The following SAMD11 variants were observed in gnomAD, a reference collection of about 807,000 sequenced individuals.
SAMD11 encodes the protein sterile alpha motif domain-containing protein 11.
SAMD11 carries 77 observed loss-of-function variants against 64.4 expected under a neutral mutation model. The observed-to-expected ratio is 1.20, with a 90% CI of 0.99 to 1.44. The LOEUF (loss-of-function observed/expected upper bound fraction) is 1.44. Among genes scored for constraint, SAMD11 ranks in the 40% most tolerant of loss-of-function variants. The pLI, the probability that SAMD11 is intolerant of heterozygous loss-of-function variation, is 0.00. For synonymous variants in SAMD11, 658 were observed against 421.9 expected, an observed-to-expected ratio of 1.56 and a Z score of -6.86; for missense variants, 1,402 against 943.3, an observed-to-expected ratio of 1.49 and a Z score of -6.37.
At position 942,850 on chromosome 1, in the gene SAMD11, G is replaced by A. The variant is rs1641873437; in HGVS notation, c.1845G>A (p.Gly615=). The change falls in exon 11 of 14, where the codon GGG becomes GGA. Residue 615 remains glycine (G), a synonymous_variant. Transcript: ENST00000616016. ...CCAGCGAGTCCAAGGAGATGACGGG[G>A]GCTAGGCTCTGGGCACAAGATGGCT... ...ARPSESKEMT[G]ARLWAQDGSE... 1 of 1,552,344 alleles carries A rather than the reference G, an allele frequency of 6.4e-7. No homozygotes were observed. The highest frequency in any genetic ancestry group is 8.7e-7 in the Non-Finnish European group (1 of 1,148,036).
At position 930,268 on chromosome 1, in the gene SAMD11, C is replaced by T. The variant is rs974517677; in HGVS notation, c.723C>T (p.Gly241=). ...SASDGDSDGS[G]PTCGRRPGLK... is the part of the protein sequence containing the mutation. ...GCGATGGTGACAGCGACGGGAGTGG[C>T]CCCACCTGTGGGCGGCGGCCAGGCT... The change falls in exon 3 of 14, where the codon GGC becomes GGT. Residue 241 remains glycine (G), a synonymous_variant. Transcript: ENST00000616016. 1.9e-6 allele frequency: 3 copies of T among 1,608,172 alleles called. No homozygotes were observed. The highest frequency in any genetic ancestry group is 2.7e-5 in the African/African-American group (2 of 74,990).
In SAMD11 at chr1:935,907, CAG is replaced by C; in HGVS notation, c.967+12_967+13del. 3.7e-6 allele frequency: 6 copies of C among 1,612,024 alleles called. No homozygotes were observed. The highest frequency in any genetic ancestry group is 5.1e-6 in the Non-Finnish European group (6 of 1,179,350). ...GCCTGCGACCCGCCGGTGAGGAGCACAGGGGGCCTGAGGGCGGGGTCGGGGCT... is the reference window on the plus strand; with the variant it reads ...GCCTGCGACCCGCCGGTGAGGAGCACGGGGCCTGAGGGCGGGGTCGGGGCT... On this transcript the variant is annotated intron_variant, in intron 5 of 13. Transcript: ENST00000616016.
chr1:941,901 G>T (rs1487714154), intron 8 of SAMD11, among the ~76,000 whole-genome samples: 3 of 152,076 alleles, frequency 2.0e-5, no homozygotes, highest in African/African-American at 7.2e-5. Flanking sequence ...GGCGCCCCGC[G>T]CAGTAATTAC....
chr1:941,673 A>G (rs1641774186), intron 8 of SAMD11, among the ~76,000 whole-genome samples: 1 of 151,948 alleles, frequency 6.6e-6, no homozygotes, highest in Non-Finnish European at 1.5e-5. Context: ...TGTTCCCGGC[A>G]CAGACAAGGC....
rs2100340952 is a variant in SAMD11, at chr1:938,575, C to A, written c.968-465C>A. Among the ~76,000 whole-genome samples the A allele has an allele frequency of 2.0e-5, 3 of 152,146 alleles. 1 individual carries two copies. The South Asian group carries it at 6.2e-4, about 31-fold the overall frequency. On this transcript the variant is annotated intron_variant, in intron 5 of 13. Coordinates refer to ENST00000616016, the MANE Select transcript of SAMD11 (RefSeq NM_001385641.1). ...CTGGGGGGCCCACAGCCCAGTGACT[C>A]ACAGAGCAGCAAGAGGTCAGGTGTG...
chr1:942,311 G>A, intron 9 of SAMD11, 60 bp downstream of exon 9: 1 of 1,052,768 alleles, frequency 9.5e-7, no homozygotes, highest in Non-Finnish European at 1.3e-6. Flanking sequence ...ACCCGGCCCT[G>A]CCCCTGTCGG....
chr1:943,655 G>C (rs759236113), intron 12 of SAMD11, 43 bp from the exon 13 acceptor site: 1 of 1,485,744 alleles, frequency 6.7e-7, no homozygotes, highest in East Asian at 2.4e-5. Flanking sequence ...CTGGAGGATG[G>C]AGCAGCACCC....
At chr1:931,250 T>C (rs1641159677) in intron 4 of SAMD11, among the ~76,000 whole-genome samples, 161 bp downstream of exon 4, 1 of 150,612 alleles carries the variant, frequency 6.6e-6, no homozygotes, top group African/African-American at 2.4e-5. Context: ...TGCAAGGTTG[T>C]CCCCCATCCC....
chr1:927,679 G>C (rs1484464564), intron 2 of SAMD11, among the ~76,000 whole-genome samples: 1 of 152,262 alleles, frequency 6.6e-6, no homozygotes, highest in East Asian at 1.9e-4. Context: ...CAGAATATGA[G>C]TGTGTATGTG....
intron 5 of SAMD11, 89 bp from the exon 6 acceptor site, chr1:938,951 G>A: frequency 8.6e-7 from 1 of 1,168,270 alleles, no homozygotes; most frequent in Non-Finnish European, 1.3e-6. Context: ...CTGAGAGATG[G>A]TGGGTGCGGT....
Position 943,942 on chromosome 1 carries a change from C to G in SAMD11, c.2324C>G (p.Ala775Gly), listed in dbSNP as rs138668810. The G allele has an allele frequency of 1.8e-5, 29 of 1,612,660 alleles. 1 individual carries two copies. The African/African-American group carries it at 3.2e-4, about 18-fold the overall frequency. Residue 775 changes from alanine (A) to glycine (G), a missense_variant, in exon 14 of 14, where the codon GCC (alanine) becomes GGC (glycine). Physicochemically the swap from Ala to Gly is moderately conservative, Grantham distance 60. Coordinates refer to ENST00000616016, the MANE Select transcript of SAMD11 (RefSeq NM_001385641.1). The stretch of plus-strand genomic sequence containing the variant: ...CGCCTGGGCCGAGTTTTCTACGTGG[C>G]CAGCTTCCCCGTGGCTCTGCCACTG... ...ARRLGRVFYVASFPVALPLQP... is the reference protein window; with the variant it reads ...ARRLGRVFYVGSFPVALPLQP...
intron 12 of SAMD11, 63 bp downstream of exon 12, chr1:943,440 G>A: frequency 7.2e-7 from 1 of 1,388,526 alleles, no homozygotes; most frequent in Non-Finnish European, 9.8e-7. Context: ...TACCTCCCTG[G>A]AAAGGATGGT....
rs1292265150 is a variant in SAMD11, at chr1:943,307, TCAC to T, written c.2111_2113del (p.Thr704del). On this transcript the variant is annotated inframe_deletion, in exon 12 of 14. Transcript: ENST00000616016. ...GAGGAGGCCCCAGCCCCTGAGGACG[TCAC>T]CAAGTGGACCGTGGATGACGTCTGC... 1 of 1,612,118 alleles carries T rather than the reference TCAC, an allele frequency of 6.2e-7. No homozygotes were observed. The highest frequency in any genetic ancestry group is 1.1e-5 in the South Asian group (1 of 91,038).
chr1:942,032 C>T (rs1569912468), intron 8 of SAMD11, 104 bp from the exon 9 acceptor site: 1 of 438,340 alleles, frequency 2.3e-6, no homozygotes, highest in East Asian at 3.6e-5. Flanking sequence ...GCGCATCGAC[C>T]GCCCGCGGGG....
Position 924,362 on chromosome 1 carries a change from A to T in SAMD11, c.-70A>T, listed in dbSNP as rs1014736717. ...GGCGCCTCCCCGGCCCCCGCGACCC[A>T]ACTCCAGCCCGGGCCGGAATAAGTT... On this transcript the variant is annotated 5_prime_UTR_variant, in exon 1 of 14. Transcript: ENST00000616016. 6.7e-6 allele frequency: 1 copy of T among 149,174 alleles called. No individual in the cohort carries two copies. The highest frequency in any genetic ancestry group is 1.5e-5 in the Non-Finnish European group (1 of 66,846). 9.2% of individuals were successfully genotyped at this position (149,174 alleles called of 1,614,324 possible). A position where few individuals can be genotyped will look rare whatever the true frequency, so the allele number is the denominator to read the frequency against.
chr1:941,284 G>T lies in SAMD11; in HGVS notation c.1336G>T (p.Ala446Ser). The change falls in exon 8 of 14, where the codon GCC (alanine) becomes TCC (serine). Residue 446 changes from alanine (A) to serine (S), a missense_variant. Coordinates refer to ENST00000616016, the MANE Select transcript of SAMD11 (RefSeq NM_001385641.1). ...GCACCGGGAGGGCGCCGCCCCAGCT[G>T]CCGCCCCGTCCTTCTCGGAGAGGTA... Reference protein sequence around the residue: ...AQHREGAAPAAAPSFSERELP... With the variant: ...AQHREGAAPASAPSFSERELP... 1 of 1,593,268 alleles carries T rather than the reference G, an allele frequency of 6.3e-7. No individual in the cohort carries two copies. Among genetic ancestry groups the T allele is most frequent in the South Asian group, 1.1e-5 (1 of 88,914 alleles).
intron 5 of SAMD11, among the ~76,000 whole-genome samples, chr1:936,600 C>A (rs925223880): frequency 1.3e-5 from 2 of 151,914 alleles, no homozygotes; most frequent in African/African-American, 4.8e-5. Flanking sequence ...CAGGGCAGGC[C>A]GTGAAAGGAG....
In SAMD11 at chr1:941,156, T is replaced by C; in HGVS notation, c.1208T>C (p.Val403Ala). Reference sequence around the variant, plus strand: ...GTCCCCCACCCAGATCTCCTGAGGGTCCGGCAGGAGGTGGCGGCTGCAGCT... The same window carrying C: ...GTCCCCCACCCAGATCTCCTGAGGGCCCGGCAGGAGGTGGCGGCTGCAGCT... ...LGLPSHDLLR[V>A]RQEVAAAALR... is the part of the protein sequence containing the mutation. The change falls in exon 8 of 14, where the codon GTC (valine) becomes GCC (alanine). Residue 403 changes from valine (V) to alanine (A), a missense_variant. Physicochemically the swap from Val to Ala is moderately conservative, Grantham distance 64. Transcript: ENST00000616016. The C allele has an allele frequency of 1.3e-6, 2 of 1,599,514 alleles. No homozygotes were observed. Among genetic ancestry groups the C allele is most frequent in the Non-Finnish European group, 1.7e-6 (2 of 1,174,118 alleles).
In SAMD11 at chr1:942,976, C is replaced by T. The variant is rs769020010; in HGVS notation, c.1971C>T (p.Ala657=). ...CGGGCCAAGCTCCAGCTGGAGGGGC[C>T]GGCGCCGAGGGGAAGGGGCTTTTCC... ...PTPGQAPAGG[A]GAEGKGLFPG... The change falls in exon 11 of 14, where the codon GCC becomes GCT. Residue 657 remains alanine, a synonymous_variant. Transcript: ENST00000616016. 4.6e-6 allele frequency: 7 copies of T among 1,536,236 alleles called. No individual in the cohort carries two copies. Among genetic ancestry groups the T allele is most frequent in the Non-Finnish European group, 4.4e-6 (5 of 1,143,278 alleles).
Sources: allele counts gnomAD v4.1 joint callset (sites outside exome capture counted in the v4.1 genomes callset), GRCh38; gene constraint gnomAD v4.1.1; transcripts MANE v1.5; gene names NCBI Gene and HGNC (gene_info 2026-07-23, HGNC 2026-07-21).